Variants in ADGRL2 observed in about 807,000 individuals in gnomAD.
The protein encoded by ADGRL2 is calcium-independent alpha-latrotoxin receptor 2.
ADGRL2 carries 44 observed loss-of-function variants against 157.4 expected under a neutral mutation model. That is an observed-to-expected ratio of 0.28 (90% CI 0.22 to 0.36). The LOEUF is 0.36. Among genes scored for constraint, ADGRL2 ranks in the 10% least tolerant of loss-of-function variants. ADGRL2 has a pLI of 1.00. For missense variants in ADGRL2, 1,510 were observed against 1,768.9 expected, an observed-to-expected ratio of 0.85 and a Z score of 2.63; for synonymous variants, 585 against 624.7, an observed-to-expected ratio of 0.94 and a Z score of 0.95.
chr1:81,710,070 G>A (rs2083872589), intron 1 of ADGRL2, among the ~76,000 whole-genome samples: 1 of 152,084 alleles, frequency 6.6e-6, no homozygotes, highest in Admixed American at 6.6e-5. Context: ...ACAAAGCTAG[G>A]GGGAAATATT....
intron 5 of ADGRL2, chr1:81,942,753 G>A: frequency 3.3e-6 from 2 of 597,530 alleles, no homozygotes; most frequent in Non-Finnish European, 6.1e-6. Context: ...GCTTTTGTTA[G>A]TGAAAATAAA....
At chr1:81,456,146 G>T (rs911180209) in intron 2 of ADGRL2, among the ~76,000 whole-genome samples, 3 of 152,272 alleles carry the variant, frequency 2.0e-5, no homozygotes, top group African/African-American at 7.2e-5. Context: ...AACAACACAA[G>T]TGTGGGTCTC....
At chr1:81,546,105 A>G (rs778444889) in intron 2 of ADGRL2, among the ~76,000 whole-genome samples, 1 of 152,096 alleles carries the variant, frequency 6.6e-6, no homozygotes, top group African/African-American at 2.4e-5. Flanking sequence ...CCCGTCCACC[A>G]CTACCACCAT....
intron 1 of ADGRL2, among the ~76,000 whole-genome samples, chr1:81,362,324 C>T (rs2075992907): frequency 6.6e-6 from 1 of 151,832 alleles, no homozygotes; most frequent in African/African-American, 2.4e-5. Flanking sequence ...TGGTTAAATC[C>T]TTGTTTCTCC....
At chr1:81,380,734 T>C (rs191514876) in intron 1 of ADGRL2, among the ~76,000 whole-genome samples, 1 of 152,342 alleles carries the variant, frequency 6.6e-6, no homozygotes, top group African/African-American at 2.4e-5. Flanking sequence ...TGTCTGTTTT[T>C]ATTCCAAAAC....
rs550386567 is a variant in ADGRL2, at chr1:81,593,263, C to T, written c.-143+12283C>T. Among the ~76,000 whole-genome samples, 7 of 152,280 alleles carry T rather than the reference C, an allele frequency of 4.6e-5. No individual in the cohort carries two copies. The South Asian group carries it at 1.0e-3, about 23-fold the overall frequency. On this transcript the variant is annotated intron_variant, in intron 3 of 24. Coordinates refer to the ADGRL2 transcript ENST00000370721. ...CACAAATAGCTCAAAGTTCTCCTAT[C>T]ACCTGGCGCTCACTATTAAATAGTG...
At chr1:81,313,590 C>T (rs766313665) in intron 1 of ADGRL2, among the ~76,000 whole-genome samples, 2 of 152,104 alleles carry the variant, frequency 1.3e-5, no homozygotes, top group African/African-American at 4.8e-5. Flanking sequence ...GTTTCCAGTA[C>T]CAAAGTTCGA....
intron 17 of ADGRL2, among the ~76,000 whole-genome samples, chr1:81,975,239 G>A (rs1659859914): frequency 6.6e-6 from 1 of 152,054 alleles, no homozygotes; most frequent in Admixed American, 6.6e-5. Context: ...ACTAGTAGTG[G>A]CTTCTGTGTG....
intron 3 of ADGRL2, among the ~76,000 whole-genome samples, chr1:81,642,741 G>A (rs2082245092): frequency 6.6e-6 from 1 of 152,038 alleles, no homozygotes; most frequent in Non-Finnish European, 1.5e-5. Context: ...ATCAAGTTAG[G>A]ATTTATTCCA....
At chr1:81,430,626 G>A (rs973791701) in intron 1 of ADGRL2, among the ~76,000 whole-genome samples, 1 of 152,184 alleles carries the variant, frequency 6.6e-6, no homozygotes, top group Admixed American at 6.5e-5. Context: ...GCCCCCCACT[G>A]ATGTTAACAT....
chr1:81,528,171 C>T (rs2079510704), intron 2 of ADGRL2, among the ~76,000 whole-genome samples: 1 of 152,188 alleles, frequency 6.6e-6, no homozygotes, highest in African/African-American at 2.4e-5. Context: ...CTCCCGACCT[C>T]CAGAACTGTG....
intron 1 of ADGRL2, among the ~76,000 whole-genome samples, chr1:81,757,430 C>T (rs1437151803): frequency 6.6e-6 from 1 of 152,102 alleles, no homozygotes; most frequent in East Asian, 1.9e-4. Context: ...GGAGTATGAG[C>T]CTGTAACAAT....
chr1:81,856,235 CTT>C (rs67889924), intron 2 of ADGRL2, among the ~76,000 whole-genome samples: 42,757 of 151,940 alleles, frequency 0.28, 6,585 homozygotes, highest in Middle Eastern at 0.49. Flanking sequence ...TCCCTCAACT[CTT>C]TTTATTTTTT....
chr1:81,385,512 A>G (rs1459084829), intron 1 of ADGRL2, among the ~76,000 whole-genome samples: 1 of 152,156 alleles, frequency 6.6e-6, no homozygotes, highest in Non-Finnish European at 1.5e-5. Context: ...AATGGGAAAG[A>G]ATAAACCTGA....
rs1025975847 is a variant in ADGRL2, at chr1:81,439,099, C to T, written c.-301-5937C>T. Among the ~76,000 whole-genome samples the T allele has an allele frequency of 5.3e-5, 8 of 152,300 alleles. No individual in the cohort carries two copies. The East Asian group carries it at 1.5e-3, about 29-fold the overall frequency. On this transcript the variant is annotated intron_variant, in intron 1 of 24. Transcript: ENST00000370721. The stretch of plus-strand genomic sequence containing the variant: ...CAAAGTGTAAAAAAATTATATTGCA[C>T]ATAGTTGTTTGCTTAATATCAAAAC...
intron 1 of ADGRL2, among the ~76,000 whole-genome samples, chr1:81,738,670 G>T (rs192523729): frequency 5.9e-5 from 9 of 152,278 alleles, no homozygotes; most frequent in African/African-American, 2.2e-4. Flanking sequence ...GGCCAGTTTG[G>T]CCTCTCCCTA....
intron 1 of ADGRL2, among the ~76,000 whole-genome samples, chr1:81,439,819 T>C (rs150514035): frequency 1.4e-3 from 220 of 152,360 alleles, no homozygotes; most frequent in Non-Finnish European, 2.4e-3. Context: ...TGTGACAGCC[T>C]TTCTTGCTAC....
At chr1:81,558,429 A>G (rs2080363910) in intron 2 of ADGRL2, among the ~76,000 whole-genome samples, 1 of 152,220 alleles carries the variant, frequency 6.6e-6, no homozygotes, top group Admixed American at 6.5e-5. Context: ...TCAGAATCAT[A>G]TCAAATTACA....
At chr1:81,655,166 TTG>T (rs1211628565) in intron 3 of ADGRL2, among the ~76,000 whole-genome samples, 6 of 152,180 alleles carry the variant, frequency 3.9e-5, no homozygotes, top group Non-Finnish European at 7.3e-5. Flanking sequence ...TCTCGGCTAA[TTG>T]TTTTTCTATT....
Sources: allele counts gnomAD v4.1 joint callset (sites outside exome capture counted in the v4.1 genomes callset), GRCh38; gene constraint gnomAD v4.1.1; transcripts MANE v1.5; gene names NCBI Gene and HGNC (gene_info 2026-07-23, HGNC 2026-07-21).